ST8SIA5: variants seen among roughly 807,000 people sequenced by gnomAD.
The protein encoded by ST8SIA5 is ST8 alpha-N-acetyl-neuraminide alpha-2,8-sialyltransferase 5, also known as alpha-2,8-sialyltransferase 8E.
Under a neutral mutation model 40.2 loss-of-function variants are expected in ST8SIA5, and 24 were observed. The ratio of observed to expected loss-of-function variants is 0.60; its 90% CI spans 0.43 to 0.84. The LOEUF (loss-of-function observed/expected upper bound fraction) is 0.84. Ranked by LOEUF, ST8SIA5 falls within the 40% of genes least tolerant of loss-of-function variation. ST8SIA5 has a pLI of 0.00. For missense variants in ST8SIA5, 465 were observed against 498.5 expected (o/e 0.93, Z 0.64); for synonymous variants, 198 against 201.8 (o/e 0.98, Z 0.16).
chr18:46,732,261 T>C (rs962649222), intron 1 of ST8SIA5, among the ~76,000 whole-genome samples: 6 of 152,164 alleles, frequency 3.9e-5, no homozygotes, highest in Non-Finnish European at 8.8e-5. Flanking sequence ...CCATCAGCCA[T>C]CACAGCTGAG....
chr18:46,686,385 G>A, intron 4 of ST8SIA5, 99 bp from the exon 5 acceptor site: 1 of 919,768 alleles, frequency 1.1e-6, no homozygotes, highest in South Asian at 1.4e-5. Context: ...TTAGCTCCTG[G>A]TCCCAAGAGG....
chr18:46,735,528 AT>A (rs2040025278), intron 1 of ST8SIA5, among the ~76,000 whole-genome samples: 1 of 152,204 alleles, frequency 6.6e-6, no homozygotes, highest in Non-Finnish European at 1.5e-5. Flanking sequence ...AGACTTATAA[AT>A]AAGTGCATGC....
In ST8SIA5 at chr18:46,683,587, C is replaced by T. The variant is rs1305034956; in HGVS notation, c.570-1523G>A. 3.3e-5 allele frequency among the ~76,000 whole-genome samples: 5 copies of T among 152,012 alleles called. No homozygotes were observed. The South Asian group carries it at 6.2e-4, about 19-fold the overall frequency. Reference sequence around the variant, plus strand: ...GGGCCATGTGAAGAATGCGGTCTTTCGTCAAGGGGAAGCCATGGGTTTAAG... The same window carrying T: ...GGGCCATGTGAAGAATGCGGTCTTTTGTCAAGGGGAAGCCATGGGTTTAAG... On this transcript the variant is annotated intron_variant, in intron 5 of 6. Transcript: ENST00000315087.
intron 1 of ST8SIA5, among the ~76,000 whole-genome samples, chr18:46,714,603 A>C (rs1322212437): frequency 2.0e-5 from 3 of 152,046 alleles, no homozygotes; most frequent in Non-Finnish European, 4.4e-5. Flanking sequence ...CCAGGGAGGG[A>C]GTGCTATCCC....
intron 1 of ST8SIA5, among the ~76,000 whole-genome samples, chr18:46,731,097 T>C (rs1053007705): frequency 6.6e-6 from 1 of 152,216 alleles, no homozygotes; most frequent in Non-Finnish European, 1.5e-5. Context: ...TAGTTGTTTA[T>C]CCGGAGAAGA....
At position 46,753,299 on chromosome 18, in the gene ST8SIA5, G is replaced by A. The variant is rs143192321; in HGVS notation, c.131+3079C>T. Among the ~76,000 whole-genome samples the A allele has an allele frequency of 3.9e-5, 6 of 152,312 alleles. No individual in the cohort carries two copies. The East Asian group carries it at 5.8e-4, about 15-fold the overall frequency. ...ACAAAACAGAGCAAATTGGTTGGGC[G>A]CAGTGGCTCATGCCTGTAATCCCAG... On this transcript the variant is annotated intron_variant, in intron 1 of 6. Coordinates refer to ENST00000315087, the MANE Select transcript of ST8SIA5 (RefSeq NM_013305.6).
intron 1 of ST8SIA5, among the ~76,000 whole-genome samples, chr18:46,739,421 C>T (rs2040066827): frequency 6.6e-6 from 1 of 152,158 alleles, no homozygotes; most frequent in East Asian, 1.9e-4. Context: ...GTAATCCCAG[C>T]TACTCAGGAA....
At position 46,732,663 on chromosome 18, in the gene ST8SIA5, T is replaced by C. The variant is rs2039995916; in HGVS notation, c.131+23715A>G. Among the ~76,000 whole-genome samples, 3 of 151,996 alleles carry C rather than the reference T, an allele frequency of 2.0e-5. No individual in the cohort carries two copies. The South Asian group carries it at 6.2e-4, about 32-fold the overall frequency. ...GTAAAAAAACAATAAAAGAAGAAAA[T>C]CATTCACAAACGTTGCTATTTAACT... is the stretch of plus-strand genomic sequence containing the variant. On this transcript the variant is annotated intron_variant, in intron 1 of 6. Transcript: ENST00000315087.
At chr18:46,738,272 T>C in intron 1 of ST8SIA5, among the ~76,000 whole-genome samples, 1 of 132,572 alleles carries the variant, frequency 7.5e-6, no homozygotes, top group East Asian at 2.1e-4. Flanking sequence ...AAAAGGTGGG[T>C]GGGGCAAGGA....
chr18:46,725,969 AAAAATATATAT>A (rs1422211259), intron 1 of ST8SIA5, among the ~76,000 whole-genome samples: 3 of 45,622 alleles, frequency 6.6e-5, no homozygotes, highest in Admixed American at 2.8e-4. Context: ...TAAAAAAAAA[AAAAATATATAT>A]ATATATATAT....
chr18:46,674,907 T>C lies in ST8SIA5; in HGVS notation c.*5135A>G, dbSNP rs1306533247. On this transcript the variant is annotated 3_prime_UTR_variant, in exon 7 of 7. Transcript: ENST00000315087. ...CAAAGGTGCCTGGAATAGTATGGGA[T>C]AGGGCAGGGAGGTGGCAGGAGGATC... 1 of 152,226 alleles carries C rather than the reference T, an allele frequency of 6.6e-6. No individual in the cohort carries two copies. Among genetic ancestry groups the C allele is most frequent in the African/African-American group, 2.4e-5 (1 of 41,410 alleles). 9.4% of individuals were successfully genotyped at this position (152,226 alleles called of 1,614,324 possible).
intron 3 of ST8SIA5, among the ~76,000 whole-genome samples, chr18:46,690,497 G>A (rs2039493975): frequency 6.6e-6 from 1 of 151,808 alleles, no homozygotes; most frequent in Non-Finnish European, 1.5e-5. Flanking sequence ...CTCCACCCCT[G>A]CACTGTGCTG....
intron 1 of ST8SIA5, among the ~76,000 whole-genome samples, chr18:46,751,573 T>A (rs2040196110): frequency 6.6e-6 from 1 of 151,912 alleles, no homozygotes; most frequent in Non-Finnish European, 1.5e-5. Context: ...ATTTTTGTAT[T>A]TTTAGTAGAG....
At chr18:46,685,155 CAT>C (rs2039433412) in intron 5 of ST8SIA5, among the ~76,000 whole-genome samples, 2 of 152,218 alleles carry the variant, frequency 1.3e-5, no homozygotes, top group Non-Finnish European at 2.9e-5. Context: ...GGGGACATGA[CAT>C]TCCTGAGGTC....
intron 1 of ST8SIA5, among the ~76,000 whole-genome samples, chr18:46,713,028 G>C (rs1433823708): frequency 6.6e-6 from 1 of 152,224 alleles, no homozygotes; most frequent in African/African-American, 2.4e-5. Context: ...GCAGGGTTGT[G>C]GAGGTCAGAG....
chr18:46,697,276 C>G (rs1323841158), intron 2 of ST8SIA5, among the ~76,000 whole-genome samples: 2 of 152,068 alleles, frequency 1.3e-5, no homozygotes, highest in Non-Finnish European at 2.9e-5. Context: ...CCAAGGGTCA[C>G]CTGGTCAACC....
chr18:46,692,290 G>A, intron 2 of ST8SIA5, 35 bp from the exon 3 acceptor site: 1 of 1,600,934 alleles, frequency 6.2e-7, no homozygotes, highest in Non-Finnish European at 8.6e-7. Context: ...ACATGAGCAG[G>A]GTAGGCGGGA....
intron 5 of ST8SIA5, among the ~76,000 whole-genome samples, 196 bp from the exon 6 acceptor site, chr18:46,682,260 C>G (rs2039405307): frequency 6.6e-6 from 1 of 152,208 alleles, no homozygotes; most frequent in Non-Finnish European, 1.5e-5. Flanking sequence ...AGCCAACAGG[C>G]CTTGCTGAAG....
Position 46,721,226 on chromosome 18 carries a change from C to T in ST8SIA5, c.132-16562G>A, listed in dbSNP as rs1272945400. 2.4e-5 allele frequency: 18 copies of T among 746,588 alleles called. No individual in the cohort carries two copies. In the Admixed American group the frequency reaches 4.5e-4, roughly 19 times the overall value. The allele number at this position is 746,588 out of a possible 1,614,324, so 46.2% of individuals were successfully genotyped here. ...AAGTTAAAGGAACCAGGTGGGATAC[C>T]AAAGTGCAGGGAGTTTCGAGCCACC... On this transcript the variant is annotated intron_variant, in intron 1 of 6. Coordinates refer to ENST00000315087, the MANE Select transcript of ST8SIA5 (RefSeq NM_013305.6).
Sources: allele counts gnomAD v4.1 joint callset (sites outside exome capture counted in the v4.1 genomes callset), GRCh38; gene constraint gnomAD v4.1.1; transcripts MANE v1.5; gene names NCBI Gene and HGNC (gene_info 2026-07-23, HGNC 2026-07-21).